The following TRHDE variants were observed in gnomAD, a reference collection of about 807,000 sequenced individuals.
The protein encoded by TRHDE is thyrotropin releasing hormone degrading enzyme.
TRHDE carries 72 observed loss-of-function variants against 125.7 expected under a neutral mutation model. The observed-to-expected ratio is 0.57, with a 90% CI of 0.47 to 0.70. The LOEUF is 0.70. Among genes scored for constraint, TRHDE ranks in the 30% least tolerant of loss-of-function variants. The pLI, the probability that TRHDE is intolerant of heterozygous loss-of-function variation, is 0.00. For missense variants in TRHDE, 1,110 were observed against 1,327.1 expected, an observed-to-expected ratio of 0.84 and a Z score of 2.54; for synonymous variants, 509 against 509.1, an observed-to-expected ratio of 1.00 and a Z score of 0.00.
chr12:72,662,951 T>A, intron 18 of TRHDE, 101 bp from the exon 19 acceptor site: 2 of 1,256,950 alleles, frequency 1.6e-6, no homozygotes, highest in Non-Finnish European at 2.2e-6. Context: ...GTTTCAAATA[T>A]ATTGTTTTTT....
At chr12:72,475,651 A>C (rs1324229913) in intron 5 of TRHDE, among the ~76,000 whole-genome samples, 2 of 152,208 alleles carry the variant, frequency 1.3e-5, no homozygotes, top group African/African-American at 2.4e-5. Context: ...CAGAGTGTAA[A>C]TAAGACAACT....
chr12:72,369,778 T>C (rs895331111), intron 2 of TRHDE, among the ~76,000 whole-genome samples: 1 of 152,128 alleles, frequency 6.6e-6, no homozygotes, highest in African/African-American at 2.4e-5. Flanking sequence ...ATATTGGTTG[T>C]TGGAAGAAGC....
intron 2 of TRHDE, 104 bp downstream of exon 2, chr12:72,287,058 T>A (rs948661928): frequency 3.4e-6 from 4 of 1,185,160 alleles, no homozygotes; most frequent in Non-Finnish European, 4.7e-6. Flanking sequence ...TTACACCTTA[T>A]ATAGTGGAAT....
chr12:72,227,056 A>G (rs1289151552), intron 2 of TRHDE, among the ~76,000 whole-genome samples: 1 of 152,230 alleles, frequency 6.6e-6, no homozygotes, highest in Non-Finnish European at 1.5e-5. Context: ...TAACCAAAGC[A>G]TTTCAAAAAC....
chr12:72,471,029 C>A (rs905893561), intron 4 of TRHDE, among the ~76,000 whole-genome samples: 1 of 151,744 alleles, frequency 6.6e-6, no homozygotes, highest in African/African-American at 2.4e-5. Flanking sequence ...GGTGCCCACA[C>A]CATGCCCAGC....
intron 12 of TRHDE, among the ~76,000 whole-genome samples, chr12:72,587,454 A>G (rs1401507142): frequency 6.6e-6 from 1 of 152,130 alleles, no homozygotes; most frequent in Non-Finnish European, 1.5e-5. Flanking sequence ...AGTTACGTAG[A>G]TAGATTAGAT....
intron 2 of TRHDE, among the ~76,000 whole-genome samples, chr12:72,201,606 A>G (rs548446781): frequency 1.3e-5 from 2 of 151,972 alleles, no homozygotes; most frequent in African/African-American, 2.4e-5. Context: ...GGGAGGTGAT[A>G]AAACATGCTG....
At chr12:72,618,787 C>A in intron 12 of TRHDE, 104 bp from the exon 13 acceptor site, 1 of 913,756 alleles carries the variant, frequency 1.1e-6, no homozygotes, top group Non-Finnish European at 1.6e-6. Context: ...ACTGAATATG[C>A]TTTCTTTATA....
At chr12:72,548,175 T>A (rs1263960656) in intron 7 of TRHDE, among the ~76,000 whole-genome samples, 1 of 151,750 alleles carries the variant, frequency 6.6e-6, no homozygotes, top group East Asian at 1.9e-4. Context: ...GTTGTTGAAT[T>A]TCCCTTTCTG....
At chr12:72,192,130 C>G (rs924734981) in intron 2 of TRHDE, among the ~76,000 whole-genome samples, 1 of 151,982 alleles carries the variant, frequency 6.6e-6, no homozygotes, top group Non-Finnish European at 1.5e-5. Flanking sequence ...TGTAAAACTT[C>G]TTAGTGATTT....
At chr12:72,500,766 T>C (rs1187509862) in intron 6 of TRHDE, among the ~76,000 whole-genome samples, 1 of 151,868 alleles carries the variant, frequency 6.6e-6, no homozygotes, top group Non-Finnish European at 1.5e-5. Context: ...ACTAGGAAGT[T>C]AGAAGTTATA....
At position 72,448,176 on chromosome 12, in the gene TRHDE, C is replaced by A. The variant is rs76191822; in HGVS notation, c.1316-21582C>A. Reference sequence around the variant, plus strand: ...ACATTTCTTGCTAATTCTGTTGACACAACCTAATGGATTAAGTTGTGCACT... The same window carrying A: ...ACATTTCTTGCTAATTCTGTTGACAAAACCTAATGGATTAAGTTGTGCACT... On this transcript the variant is annotated intron_variant, in intron 3 of 18. Transcript: ENST00000261180. Among the ~76,000 whole-genome samples, 570 of 152,190 alleles carry A rather than the reference C, an allele frequency of 3.7e-3. 5 individuals carry two copies. The highest frequency in any genetic ancestry group is 0.013 in the African/African-American group (549 of 41,568).
At chr12:72,163,721 C>T (rs533957454) in intron 2 of TRHDE, among the ~76,000 whole-genome samples, 24 of 152,096 alleles carry the variant, frequency 1.6e-4, no homozygotes, top group South Asian at 4.1e-4. Context: ...ATTGAGATGC[C>T]GTACATTTTT....
intron 3 of TRHDE, among the ~76,000 whole-genome samples, chr12:72,424,144 T>G (rs1051560778): frequency 6.6e-6 from 1 of 152,128 alleles, no homozygotes; most frequent in African/African-American, 2.4e-5. Context: ...AAGGTGTCAA[T>G]AGGGGCATCC....
chr12:72,394,396 T>A (rs536125735), intron 3 of TRHDE, among the ~76,000 whole-genome samples: 1 of 152,274 alleles, frequency 6.6e-6, no homozygotes, highest in South Asian at 2.1e-4. Context: ...AACACCATAA[T>A]TATATTAATT....
chr12:72,520,501 T>C (rs1273563099), intron 6 of TRHDE, among the ~76,000 whole-genome samples: 1 of 152,148 alleles, frequency 6.6e-6, no homozygotes, highest in Non-Finnish European at 1.5e-5. Flanking sequence ...TGCTTCTGCT[T>C]GCGCACGGTG....
chr12:72,191,518 T>C (rs1316409796), intron 2 of TRHDE, among the ~76,000 whole-genome samples: 1 of 152,162 alleles, frequency 6.6e-6, no homozygotes, highest in Non-Finnish European at 1.5e-5. Flanking sequence ...CAGGAAAATC[T>C]TTCCTAATAT....
At chr12:72,097,470 A>G (rs1874958649) in intron 1 of TRHDE, among the ~76,000 whole-genome samples, 1 of 74,014 alleles carries the variant, frequency 1.4e-5, no homozygotes, top group Non-Finnish European at 2.4e-5. Context: ...TTTTTTTTAG[A>G]CAGAGTTTTG....
In TRHDE at chr12:72,618,939, G is replaced by A. The variant is rs143023517; in HGVS notation, c.2370G>A (p.Leu790=). The A allele has an allele frequency of 1.3e-6, 2 of 1,593,308 alleles. No homozygotes were observed. The highest frequency in any genetic ancestry group is 2.3e-5 in the East Asian group (1 of 43,844). Residue 790 remains leucine, a synonymous_variant, in exon 13 of 19, where the codon CTG becomes CTA. Transcript: ENST00000261180. ...QNIPLEIIRY[L]SEEKDFLPWH... is the part of the protein sequence containing the mutation. ...TTCCTCTGGAGATTATCAGATACCT[G>A]TCTGAGGAGAAGGATTTTCTTCCTT... is the stretch of plus-strand genomic sequence containing the variant.
Sources: gnomAD v4.1 joint callset for allele counts (sites outside exome capture counted in the v4.1 genomes callset) on GRCh38, gnomAD v4.1.1 for gene constraint, MANE v1.5 for transcripts, NCBI Gene and HGNC (gene_info 2026-07-23, HGNC 2026-07-21) for gene names.